The following ACSM1 variants were observed in gnomAD, a reference collection of about 807,000 sequenced individuals.
ACSM1 encodes acyl-coenzyme A synthetase ACSM1, mitochondrial.
A neutral mutation model predicts 75.8 loss-of-function variants in ACSM1; 79 were observed. The ratio of observed to expected loss-of-function variants is 1.04; its 90% CI spans 0.87 to 1.26. The LOEUF (loss-of-function observed/expected upper bound fraction) is 1.26, where lower values mean the gene tolerates loss of function less well. Among genes scored for constraint, ACSM1 ranks in the 50% most tolerant of loss-of-function variants. The pLI is 0.00. For synonymous variants in ACSM1, 279 were observed against 265.8 expected (o/e 1.05, Z -0.48); for missense variants, 676 against 720.1 (o/e 0.94, Z 0.70).
intron 4 of ACSM1, among the ~76,000 whole-genome samples, chr16:20,676,323 G>C (rs114951723): frequency 8.1e-4 from 124 of 152,300 alleles, no homozygotes; most frequent in African/African-American, 2.9e-3. Context: ...AAGGCTAAAG[G>C]CTGGTAAAAG....
chr16:20,636,612 G>A, intron 10 of ACSM1, 127 bp downstream of exon 10: 2 of 691,894 alleles, frequency 2.9e-6, no homozygotes, highest in South Asian at 3.7e-5. Context: ...TGAGCTTCGA[G>A]TTGAATGAAA....
chr16:20,635,600 C>G (rs559287185), intron 10 of ACSM1, among the ~76,000 whole-genome samples: 1 of 53,500 alleles, frequency 1.9e-5, no homozygotes, highest in African/African-American at 1.2e-4. Context: ...TTCTTTCTTT[C>G]TTTCTTTCTT....
chr16:20,646,224 G>A (rs914808409), intron 7 of ACSM1, among the ~76,000 whole-genome samples: 1 of 152,198 alleles, frequency 6.6e-6, no homozygotes, highest in African/African-American at 2.4e-5. Context: ...AATAGGGCCT[G>A]CTTCCAGTGC....
chr16:20,674,986 T>C (rs2020178999), intron 4 of ACSM1, among the ~76,000 whole-genome samples: 1 of 151,810 alleles, frequency 6.6e-6, no homozygotes, highest in African/African-American at 2.4e-5. Context: ...AAAGTGAAAG[T>C]GGTTCACTGG....
chr16:20,697,079 C>T (rs886494160), intron 1 of ACSM1, among the ~76,000 whole-genome samples: 4 of 152,252 alleles, frequency 2.6e-5, no homozygotes, highest in African/African-American at 9.6e-5. Flanking sequence ...ACCCCCTCCC[C>T]ATTAGATGTT....
At chr16:20,662,792 T>C (rs1171513819) in intron 6 of ACSM1, among the ~76,000 whole-genome samples, 3 of 152,152 alleles carry the variant, frequency 2.0e-5, no homozygotes, top group Non-Finnish European at 4.4e-5. Flanking sequence ...CACATTTATA[T>C]ATGCTTTTAA....
At chr16:20,680,609 G>A (rs566660829) in intron 4 of ACSM1, 3 of 152,320 alleles carry the variant, frequency 2.0e-5, no homozygotes, top group South Asian at 2.1e-4. Flanking sequence ...GGAAAGTACC[G>A]TATCGCCCGT....
intron 4 of ACSM1, among the ~76,000 whole-genome samples, chr16:20,673,799 T>C (rs2020104367): frequency 6.6e-6 from 1 of 152,164 alleles, no homozygotes; most frequent in South Asian, 2.1e-4. Context: ...AATAGAAAAA[T>C]AAGACTTTAG....
chr16:20,659,043 G>A (rs2019153514), intron 7 of ACSM1, among the ~76,000 whole-genome samples: 1 of 152,050 alleles, frequency 6.6e-6, no homozygotes, highest in African/African-American at 2.4e-5. Flanking sequence ...ACATTTTCTT[G>A]TAAATGTTAT....
intron 7 of ACSM1, among the ~76,000 whole-genome samples, chr16:20,660,699 A>T (rs1265766449): frequency 6.6e-6 from 1 of 152,214 alleles, no homozygotes; most frequent in African/African-American, 2.4e-5. Flanking sequence ...GGCAATCATT[A>T]AACTCTGATA....
chr16:20,665,307 T>C (rs1351677578), intron 6 of ACSM1, among the ~76,000 whole-genome samples: 2 of 151,954 alleles, frequency 1.3e-5, no homozygotes, highest in African/African-American at 2.4e-5. Context: ...GGAAATGACA[T>C]AGATGACACT....
intron 7 of ACSM1, among the ~76,000 whole-genome samples, chr16:20,649,605 G>A (rs2018539347): frequency 6.6e-6 from 1 of 152,026 alleles, no homozygotes; most frequent in East Asian, 1.9e-4. Context: ...ATAAAACTTG[G>A]TCTCCACAAA....
At chr16:20,637,817 T>C (rs1315523337) in intron 8 of ACSM1, among the ~76,000 whole-genome samples, 1 of 152,204 alleles carries the variant, frequency 6.6e-6, no homozygotes, top group African/African-American at 2.4e-5. Flanking sequence ...GGAAGACCAC[T>C]AGTCTATCTA....
Position 20,685,819 on chromosome 16 carries a change from C to CAAAAAAAAAAA in ACSM1, c.193-427_193-417dup, listed in dbSNP as rs71842093. 2.4e-4 allele frequency among the ~76,000 whole-genome samples: 12 copies of CAAAAAAAAAAA among 50,164 alleles called. 2 individuals are homozygous for CAAAAAAAAAAA. Among genetic ancestry groups the CAAAAAAAAAAA allele is most frequent in the Non-Finnish European group, 3.2e-4 (10 of 30,844 alleles). The allele number at this position is 50,164 out of a possible 152,430, so 32.9% of individuals were successfully genotyped here. On this transcript the variant is annotated intron_variant, in intron 2 of 13. Coordinates refer to ENST00000520010, the MANE Select transcript of ACSM1 (RefSeq NM_001318890.3). ...TGGATGACACAGTGAGACTCCGTCT[C>CAAAAAAAAAAA]AAAAAAAAAAAACAAACAAAAAAAA... is the stretch of plus-strand genomic sequence containing the variant.
chr16:20,680,683 G>A (rs1335122840), intron 4 of ACSM1: 2 of 152,216 alleles, frequency 1.3e-5, no homozygotes, highest in Non-Finnish European at 2.9e-5. Flanking sequence ...GTATTATGAT[G>A]AGACTAAAAA....
chr16:20,692,402 A>C (rs2079662572), intron 1 of ACSM1, among the ~76,000 whole-genome samples: 1 of 152,220 alleles, frequency 6.6e-6, no homozygotes, highest in South Asian at 2.1e-4. Context: ...AAATTTAAAC[A>C]TTTTGTGGCT....
intron 6 of ACSM1, among the ~76,000 whole-genome samples, chr16:20,663,033 T>C (rs2019376430): frequency 6.6e-6 from 1 of 152,254 alleles, no homozygotes; most frequent in African/African-American, 2.4e-5. Context: ...TCTTGGAACA[T>C]GTCCTGGGTC....
At chr16:20,679,247 G>C (rs2079384388) in intron 4 of ACSM1, 1 of 152,230 alleles carries the variant, frequency 6.6e-6, no homozygotes, top group South Asian at 2.1e-4. Flanking sequence ...TAACCAACAA[G>C]ACCCTGATTG....
intron 6 of ACSM1, among the ~76,000 whole-genome samples, chr16:20,664,710 G>T (rs1167526619): frequency 6.6e-6 from 1 of 152,076 alleles, no homozygotes; most frequent in Non-Finnish European, 1.5e-5. Context: ...CATTCTTCTT[G>T]TTCCCACGTG....
Sources: gnomAD v4.1 joint callset for allele counts (sites outside exome capture counted in the v4.1 genomes callset) on GRCh38, gnomAD v4.1.1 for gene constraint, MANE v1.5 for transcripts, NCBI Gene and HGNC (gene_info 2026-07-23, HGNC 2026-07-21) for gene names.